Variants in RBFOX3 observed in about 807,000 individuals in gnomAD.
The protein encoded by RBFOX3 is RNA binding protein fox-1 homolog 3.
Under a neutral mutation model 48.7 loss-of-function variants are expected in RBFOX3, and 17 were observed. The ratio of observed to expected loss-of-function variants is 0.35; its 90% CI spans 0.24 to 0.52. The LOEUF is 0.52. RBFOX3 is among the 20% of genes least tolerant of loss of function. The pLI, the probability that RBFOX3 is intolerant of heterozygous loss-of-function variation, is 0.94. For synonymous variants in RBFOX3, 212 were observed against 209.5 expected (o/e 1.01, Z -0.10); for missense variants, 382 against 497.5 (o/e 0.77, Z 2.21).
rs116941591 is a variant in RBFOX3, at chr17:79,210,055, G to A, written c.-34+25711C>T. 4.8e-3 allele frequency among the ~76,000 whole-genome samples: 721 copies of A among 151,652 alleles called. 14 individuals carry two copies. The highest frequency in any genetic ancestry group is 0.04 in the East Asian group (206 of 5,136). ...AGCGTTTCTGTGTGCGCACAGAGGC[G>A]CCTTAGCAAATCCTGCAAAAACAAC... On this transcript the variant is annotated intron_variant, in intron 4 of 14. Transcript: ENST00000693108.
Position 79,391,893 on chromosome 17 carries a change from C to G in RBFOX3, c.-174-84069G>C, listed in dbSNP as rs2168476. Among the ~76,000 whole-genome samples, 1 of 152,170 alleles carries G rather than the reference C, an allele frequency of 6.6e-6. No individual in the cohort carries two copies. The highest frequency in any genetic ancestry group is 6.5e-5 in the Admixed American group (1 of 15,280). ...AAAAGGCTCCAGGCTGGACAAGCCCCAGGTCCCCTCCTTCCCGGTTCTGAA... is the reference window on the plus strand; with the variant it reads ...AAAAGGCTCCAGGCTGGACAAGCCCGAGGTCCCCTCCTTCCCGGTTCTGAA... On this transcript the variant is annotated intron_variant, in intron 2 of 14. Coordinates refer to ENST00000693108, the MANE Select transcript of RBFOX3 (RefSeq NM_001350451.2). This position sits in a 1 kb window ranked among gnomAD's most constrained non-coding sequence, Gnocchi z 5.0.
rs140985071 is a variant in RBFOX3, at chr17:79,294,046, T to G, written c.-74+13678A>C. 2.1e-3 allele frequency among the ~76,000 whole-genome samples: 315 copies of G among 152,274 alleles called. 1 individual carries two copies. The highest frequency in any genetic ancestry group is 6.1e-3 in the Admixed American group (93 of 15,302). On this transcript the variant is annotated intron_variant, in intron 3 of 14. Transcript: ENST00000693108. Reference sequence around the variant, plus strand: ...TCCGACTTCCAGAGCAGGTACAGATTCATACAGAGCAGGTGCAGATTCATA... The same window carrying G: ...TCCGACTTCCAGAGCAGGTACAGATGCATACAGAGCAGGTGCAGATTCATA...
In RBFOX3 at chr17:79,093,546, TTGA is replaced by T. The variant is rs757376276; in HGVS notation, c.1077+902_1077+904del. 4.3e-5 allele frequency among the ~76,000 whole-genome samples: 4 copies of T among 92,740 alleles called. 1 individual carries two copies. Among genetic ancestry groups the T allele is most frequent in the Non-Finnish European group, 6.5e-5 (3 of 46,028 alleles). 60.8% of individuals were successfully genotyped at this position (92,740 alleles called of 152,430 possible). On this transcript the variant is annotated intron_variant, in intron 14 of 14. Coordinates refer to ENST00000693108, the MANE Select transcript of RBFOX3 (RefSeq NM_001350451.2). ...GGGGGTGTCTGAGGCTCGTTAAAAA[TTGA>T]AAAAAAAAAAAAAAATTGGAGGGAG...
At chr17:79,411,798 C>A (rs112948228) in intron 2 of RBFOX3, among the ~76,000 whole-genome samples, 4,176 of 152,340 alleles carry the variant, frequency 0.027, 101 homozygotes, top group African/African-American at 0.065. Flanking sequence ...TGGGCTAGCA[C>A]TCAGGGGACG....
At chr17:79,335,959 C>T (rs953142765) in intron 2 of RBFOX3, among the ~76,000 whole-genome samples, 6 of 152,240 alleles carry the variant, frequency 3.9e-5, no homozygotes, top group African/African-American at 9.6e-5. Context: ...AAAGAAAACT[C>T]GCTGTTTCTC....
At chr17:79,288,881 C>G (rs1474036867) in intron 3 of RBFOX3, among the ~76,000 whole-genome samples, 1 of 152,188 alleles carries the variant, frequency 6.6e-6, no homozygotes, top group Non-Finnish European at 1.5e-5. Context: ...AGAAGGAACA[C>G]TGCATGAAAA....
chr17:79,547,307 C>T (rs558954256), intron 1 of RBFOX3, among the ~76,000 whole-genome samples: 13 of 152,080 alleles, frequency 8.5e-5, no homozygotes, highest in South Asian at 2.1e-4. Flanking sequence ...ATTAGCCAGG[C>T]GTGGTGGCAT....
the RBFOX3 span, among the ~76,000 whole-genome samples, chr17:79,634,931 G>A: frequency 6.6e-6 from 1 of 151,716 alleles, no homozygotes; most frequent in Non-Finnish European, 1.5e-5. Flanking sequence ...GTGGTGGCAT[G>A]CACCTGTAAT....
At chr17:79,289,715 T>C (rs11656298) in intron 3 of RBFOX3, among the ~76,000 whole-genome samples, 23,401 of 152,262 alleles carry the variant, frequency 0.15, 2,046 homozygotes, top group African/African-American at 0.24. Flanking sequence ...TCCTGGCCTC[T>C]GGTTTAGAGC....
chr17:79,620,199 A>G, the RBFOX3 span, among the ~76,000 whole-genome samples: 1 of 147,180 alleles, frequency 6.8e-6, no homozygotes, highest in East Asian at 2.1e-4. Flanking sequence ...ACATGCACAC[A>G]CGTGCACATG....
chr17:79,421,974 G>C lies in RBFOX3; in HGVS notation c.-175+60480C>G, dbSNP rs12940552. Among the ~76,000 whole-genome samples the C allele has an allele frequency of 6.6e-6, 1 of 152,050 alleles. No individual in the cohort carries two copies. Among genetic ancestry groups the C allele is most frequent in the Non-Finnish European group, 1.5e-5 (1 of 68,022 alleles). On this transcript the variant is annotated intron_variant, in intron 2 of 14. Coordinates refer to ENST00000693108, the MANE Select transcript of RBFOX3 (RefSeq NM_001350451.2). The surrounding 1 kb of genome is among the most constrained non-coding windows in gnomAD (Gnocchi z 4.5). ...CCCAACAGAATTCTAGGTGCTGCCC[G>C]GACGAGATGAGGAGGGGGACTTGCC...
Position 79,252,956 on chromosome 17 carries a change from C to G in RBFOX3, c.-73-17151G>C, listed in dbSNP as rs2064205443. On this transcript the variant is annotated intron_variant, in intron 3 of 14. Transcript: ENST00000693108. The surrounding 1 kb of genome is among the most constrained non-coding windows in gnomAD (Gnocchi z 4.0). ...CTAAACCCGCAGCCTTCTTTGCCGT[C>G]TACACTCAGCAAAGTCAAGTCCCTC... Among the ~76,000 whole-genome samples the G allele has an allele frequency of 6.6e-6, 1 of 152,148 alleles. No individual in the cohort carries two copies. The highest frequency in any genetic ancestry group is 6.5e-5 in the Admixed American group (1 of 15,278).
At chr17:79,286,088 T>C (rs1180677730) in intron 3 of RBFOX3, among the ~76,000 whole-genome samples, 1 of 152,200 alleles carries the variant, frequency 6.6e-6, no homozygotes, top group Non-Finnish European at 1.5e-5. Flanking sequence ...GCTGGCACTG[T>C]GACCTTCTAG....
chr17:79,598,875 A>C (rs2093635761), intron 1 of RBFOX3: 2 of 152,098 alleles, frequency 1.3e-5, no homozygotes, highest in African/African-American at 4.8e-5. Flanking sequence ...CCAGAATCTC[A>C]TGACCTTTGA....
chr17:79,169,606 C>G (rs936587358), intron 4 of RBFOX3, among the ~76,000 whole-genome samples: 1 of 152,194 alleles, frequency 6.6e-6, no homozygotes, highest in African/African-American at 2.4e-5. Context: ...GAGGCGGCAC[C>G]GAGGGCCCCA....
At chr17:79,353,975 G>A (rs553377893) in intron 2 of RBFOX3, among the ~76,000 whole-genome samples, 10 of 152,212 alleles carry the variant, frequency 6.6e-5, no homozygotes, top group Admixed American at 2.6e-4. Flanking sequence ...TTCACCACCC[G>A]ACTCTTATTT....
chr17:79,237,342 G>A (rs2061751099), intron 3 of RBFOX3, among the ~76,000 whole-genome samples: 1 of 152,210 alleles, frequency 6.6e-6, no homozygotes. Context: ...GGCACCGCCT[G>A]TACATTGCTT....
chr17:79,529,520 G>A (rs2087363383), intron 1 of RBFOX3, among the ~76,000 whole-genome samples: 1 of 152,194 alleles, frequency 6.6e-6, no homozygotes. Flanking sequence ...GGGGTGGCTG[G>A]CCAGCAGCAT....
intron 4 of RBFOX3, among the ~76,000 whole-genome samples, chr17:79,200,460 A>T (rs2056572872): frequency 6.6e-6 from 1 of 152,238 alleles, no homozygotes; most frequent in South Asian, 2.1e-4. Context: ...AGCCCCACAG[A>T]CAGAGTCACA....
Sources: gnomAD v4.1 joint callset for allele counts (sites outside exome capture counted in the v4.1 genomes callset) on GRCh38, gnomAD v4.1.1 for gene constraint, Gnocchi (gnomAD v3.1) non-coding constraint, MANE v1.5 for transcripts, NCBI Gene and HGNC (gene_info 2026-07-23, HGNC 2026-07-21) for gene names.